The following SCHIP1 variants were observed in gnomAD, a reference collection of about 807,000 sequenced individuals.
SCHIP1 encodes schwannomin interacting protein 1, also known as schwannomin-interacting protein 1.
SCHIP1 carries 8 observed loss-of-function variants against 29.7 expected under a neutral mutation model. That is an observed-to-expected ratio of 0.27 (90% CI 0.16 to 0.49). SCHIP1 has a LOEUF of 0.49. Among genes scored for constraint, SCHIP1 ranks in the 20% least tolerant of loss-of-function variants. The probability of loss-of-function intolerance (pLI) is 0.99; values close to 1 mark genes in which losing one functional copy is unlikely to be tolerated. For missense variants in SCHIP1, 193 were observed against 294.6 expected, an observed-to-expected ratio of 0.66 and a Z score of 2.52; for synonymous variants, 76 against 94.9, an observed-to-expected ratio of 0.80 and a Z score of 1.16.
At chr3:159,554,586 C>T in the SCHIP1 span, among the ~76,000 whole-genome samples, 2 of 152,134 alleles carry the variant, frequency 1.3e-5, no homozygotes, top group Non-Finnish European at 2.9e-5. Flanking sequence ...CCCCTCTCAC[C>T]ATGCTTTGAT....
chr3:159,870,331 C>T (rs1216500741), intron 2 of SCHIP1, among the ~76,000 whole-genome samples: 1 of 151,826 alleles, frequency 6.6e-6, no homozygotes, highest in Non-Finnish European at 1.5e-5. Context: ...TACTGTTTTC[C>T]CATTTCAGAT....
chr3:159,603,221 G>A, the SCHIP1 span, among the ~76,000 whole-genome samples: 1 of 152,172 alleles, frequency 6.6e-6, no homozygotes, highest in African/African-American at 2.4e-5. Flanking sequence ...CGGGGGAAAC[G>A]ACACAGAGCT....
chr3:159,713,233 GAAGAAAGAAAGAAAGAAAGAAAGAAAGA>G, the SCHIP1 span, among the ~76,000 whole-genome samples: 8 of 124,626 alleles, frequency 6.4e-5, no homozygotes, highest in South Asian at 8.8e-4. Flanking sequence ...AGAAAGAAAG[GAAGAAAGAAAGAAAGAAAGAAAGAAAGA>G]AAGAAAGAAA....
At chr3:159,491,674 T>C in the SCHIP1 span, among the ~76,000 whole-genome samples, 1 of 152,244 alleles carries the variant, frequency 6.6e-6, no homozygotes, top group Non-Finnish European at 1.5e-5. Context: ...GCTCCACCTC[T>C]GGTGGCAGGG....
At chr3:159,582,341 A>G in the SCHIP1 span, among the ~76,000 whole-genome samples, 1 of 150,036 alleles carries the variant, frequency 6.7e-6, no homozygotes, top group Non-Finnish European at 1.5e-5. Flanking sequence ...TTTTTTTTTT[A>G]TTTTTAATAG....
chr3:159,842,582 T>C (rs911804658), intron 1 of SCHIP1, among the ~76,000 whole-genome samples: 3 of 152,164 alleles, frequency 2.0e-5, no homozygotes, highest in Non-Finnish European at 4.4e-5. Flanking sequence ...CAGGGCTTTA[T>C]ATCAGCTCGT....
At chr3:159,654,090 C>T in the SCHIP1 span, among the ~76,000 whole-genome samples, 18 of 151,976 alleles carry the variant, frequency 1.2e-4, no homozygotes, top group African/African-American at 4.4e-4. Context: ...CTTTTAATTG[C>T]TTACTTACAA....
At chr3:159,606,867 G>A in the SCHIP1 span, among the ~76,000 whole-genome samples, 2 of 152,198 alleles carry the variant, frequency 1.3e-5, no homozygotes. Context: ...CAGGGGATGA[G>A]AGCCCAGATA....
chr3:159,844,996 G>T (rs904278127), intron 1 of SCHIP1, among the ~76,000 whole-genome samples: 3 of 152,196 alleles, frequency 2.0e-5, no homozygotes, highest in African/African-American at 7.2e-5. Flanking sequence ...GAGAAGCACC[G>T]TCAGAAATCT....
chr3:159,757,805 A>G, the SCHIP1 span, among the ~76,000 whole-genome samples: 1 of 152,026 alleles, frequency 6.6e-6, no homozygotes, highest in African/African-American at 2.4e-5. Flanking sequence ...CCACCAAGCT[A>G]CCTCCATGCC....
At chr3:159,631,456 C>A in the SCHIP1 span, among the ~76,000 whole-genome samples, 6 of 152,002 alleles carry the variant, frequency 3.9e-5, no homozygotes, top group Admixed American at 3.9e-4. Context: ...AGCCAATGAA[C>A]AAAGTAAATA....
chr3:159,755,096 G>A, the SCHIP1 span, among the ~76,000 whole-genome samples: 2 of 152,068 alleles, frequency 1.3e-5, no homozygotes, highest in African/African-American at 2.4e-5. Flanking sequence ...TTAGCCAGGC[G>A]TGGCGGCAGG....
chr3:159,893,676 T>C (rs1254825644), intron 6 of SCHIP1: 1 of 152,130 alleles, frequency 6.6e-6, no homozygotes, highest in African/African-American at 2.4e-5. Flanking sequence ...GCAGTGTATG[T>C]TTTTATAACT....
At chr3:159,758,157 AT>A in the SCHIP1 span, among the ~76,000 whole-genome samples, 27 of 147,558 alleles carry the variant, frequency 1.8e-4, no homozygotes, top group East Asian at 1.4e-3. Context: ...ACAGACTTAC[AT>A]TTTTTTTTTT....
At chr3:159,409,247 T>C in the SCHIP1 span, among the ~76,000 whole-genome samples, 1 of 152,026 alleles carries the variant, frequency 6.6e-6, no homozygotes, top group South Asian at 2.1e-4. Context: ...ATACCCATTT[T>C]CACCACCATT....
the SCHIP1 span, among the ~76,000 whole-genome samples, chr3:159,561,296 G>C: frequency 6.6e-6 from 1 of 152,178 alleles, no homozygotes; most frequent in Admixed American, 6.5e-5. Flanking sequence ...TCTTTTATAA[G>C]AGGCTAATGA....
chr3:159,632,891 GCACATGTGGGAGACTT>G, the SCHIP1 span, among the ~76,000 whole-genome samples: 2 of 152,178 alleles, frequency 1.3e-5, no homozygotes, highest in Non-Finnish European at 2.9e-5. Flanking sequence ...CTGTTAAGGG[GCACATGTGGGAGACTT>G]CTAAATAAGG....
chr3:159,762,982 T>C, the SCHIP1 span, among the ~76,000 whole-genome samples: 5 of 152,160 alleles, frequency 3.3e-5, no homozygotes, highest in East Asian at 5.8e-4. Flanking sequence ...TTTAGAACAT[T>C]CGCCCCTACC....
the SCHIP1 span, chr3:159,274,444 GA>G: frequency 1.2e-6 from 1 of 837,648 alleles, no homozygotes; most frequent in Non-Finnish European, 1.4e-6. Context: ...ATTATAAGTA[GA>G]AATAACAGAC....
Sources: gnomAD v4.1 joint callset for allele counts (sites outside exome capture counted in the v4.1 genomes callset) on GRCh38, gnomAD v4.1.1 for gene constraint, MANE v1.5 for transcripts, NCBI Gene and HGNC (gene_info 2026-07-23, HGNC 2026-07-21) for gene names.